Variants in PATL2 observed in about 807,000 individuals in gnomAD.
PATL2 encodes PAT1 homolog 2, also known as protein PAT1 homolog 2.
PATL2 carries 73 observed loss-of-function variants against 77.0 expected under a neutral mutation model. The ratio of observed to expected loss-of-function variants is 0.95; its 90% confidence interval spans 0.78 to 1.15. PATL2 has a LOEUF of 1.15. Ranked by LOEUF, PATL2 falls within the 50% of genes most tolerant of loss-of-function variation. PATL2 has a pLI of 0.00. For synonymous variants in PATL2, 265 were observed against 257.1 expected, an observed-to-expected ratio of 1.03 and a Z score of -0.29; for missense variants, 618 against 655.4, an observed-to-expected ratio of 0.94 and a Z score of 0.62.
At chr15:44,708,463 T>G (rs1199469211) in intron 3 of PATL2, among the ~76,000 whole-genome samples, 2 of 152,232 alleles carry the variant, frequency 1.3e-5, no homozygotes, top group Admixed American at 6.5e-5. Context: ...TTTCCTCATG[T>G]TTAGATGATC....
chr15:44,699,029 C>T (rs943747425), intron 3 of PATL2, among the ~76,000 whole-genome samples: 2 of 152,142 alleles, frequency 1.3e-5, no homozygotes, highest in Non-Finnish European at 2.9e-5. Context: ...ACCCGTTTGC[C>T]ATTTGTATGT....
intron 3 of PATL2, among the ~76,000 whole-genome samples, chr15:44,691,884 T>A (rs968616962): frequency 6.6e-6 from 1 of 151,742 alleles, no homozygotes; most frequent in Non-Finnish European, 1.5e-5. Flanking sequence ...TGTGGGGAGA[T>A]AAATATCGTC....
At chr15:44,684,225 CA>C (rs1415994730) in intron 3 of PATL2, among the ~76,000 whole-genome samples, 5 of 151,850 alleles carry the variant, frequency 3.3e-5, no homozygotes, top group Non-Finnish European at 2.9e-5. Flanking sequence ...AGCAAGGGAA[CA>C]AAAGTGGACA....
intron 3 of PATL2, among the ~76,000 whole-genome samples, chr15:44,687,072 G>T (rs2086275671): frequency 6.6e-6 from 1 of 152,148 alleles, no homozygotes. Flanking sequence ...GCATCATCCT[G>T]ATACCAAAAC....
At chr15:44,702,267 A>G (rs1383408666) in intron 3 of PATL2, among the ~76,000 whole-genome samples, 1 of 151,926 alleles carries the variant, frequency 6.6e-6, no homozygotes, top group Non-Finnish European at 1.5e-5. Flanking sequence ...TTTCCAATTT[A>G]TTGGCATGTA....
Position 44,666,489 on chromosome 15 carries a change from A to G in PATL2, c.1516T>C (p.Ser506Pro). The change falls in exon 17 of 18, where the codon TCT becomes CCT. Residue 506 changes from serine (S) to proline (P), a missense_variant. By Grantham distance (74) the Ser-to-Pro change is moderately conservative. Transcript: ENST00000682850. ...GGGAAAGCTAGGGGTTCTGCCAGAG[A>G]GGCTGTAGGCATTTGGGCTATCTCC... is the stretch of plus-strand genomic sequence containing the variant. ...AWEIAQMPTA[S>P]LAEPLAFPSN... The G allele has an allele frequency of 6.4e-7, 1 of 1,551,634 alleles. No homozygotes were observed. The highest frequency in any genetic ancestry group is 8.7e-7 in the Non-Finnish European group (1 of 1,146,964).
intron 3 of PATL2, among the ~76,000 whole-genome samples, chr15:44,680,185 C>G (rs887440089): frequency 1.3e-5 from 2 of 152,194 alleles, no homozygotes; most frequent in Non-Finnish European, 2.9e-5. Context: ...CTCTTCCTGA[C>G]ATGCTCCTCA....
chr15:44,670,395 T>C (rs1412113195), intron 9 of PATL2, among the ~76,000 whole-genome samples: 1 of 152,166 alleles, frequency 6.6e-6, no homozygotes, highest in African/African-American at 2.4e-5. Flanking sequence ...GATTTCACCA[T>C]GTTGCTCAGG....
Position 44,677,918 on chromosome 15 carries a change from C to T in PATL2, c.-75-1353G>A, listed in dbSNP as rs572660347. ...GCAGTGGCATGATCTTGGCCCACTG[C>T]AGCCTCCACCTCCCGGGTTCAAGAT... On this transcript the variant is annotated intron_variant, in intron 3 of 17. Transcript: ENST00000682850. 8.5e-5 allele frequency among the ~76,000 whole-genome samples: 13 copies of T among 152,322 alleles called. No individual in the cohort carries two copies. In the East Asian group the frequency reaches 2.5e-3, roughly 29 times the overall value.
At chr15:44,701,850 C>T (rs1052216946) in intron 3 of PATL2, among the ~76,000 whole-genome samples, 15 of 151,948 alleles carry the variant, frequency 9.9e-5, no homozygotes, top group African/African-American at 9.7e-5. Flanking sequence ...TTTTACTCAT[C>T]GCAGAAGGGT....
chr15:44,706,841 T>G (rs1305915498), intron 3 of PATL2, among the ~76,000 whole-genome samples: 5 of 152,174 alleles, frequency 3.3e-5, no homozygotes, highest in Non-Finnish European at 1.5e-5. Flanking sequence ...CTCTTTAGGG[T>G]GGCAAGTTTC....
chr15:44,672,838 C>A (rs1194910861), intron 7 of PATL2, among the ~76,000 whole-genome samples: 3 of 152,222 alleles, frequency 2.0e-5, no homozygotes, highest in Non-Finnish European at 4.4e-5. Context: ...CAGCTCACTG[C>A]AACCTCTGGC....
At chr15:44,692,259 T>C (rs1202898393) in intron 3 of PATL2, among the ~76,000 whole-genome samples, 1 of 152,186 alleles carries the variant, frequency 6.6e-6, no homozygotes, top group African/African-American at 2.4e-5. Context: ...GAATAACAGG[T>C]AATTTAAATG....
intron 3 of PATL2, among the ~76,000 whole-genome samples, chr15:44,691,688 T>A (rs534084766): frequency 3.5e-4 from 53 of 151,296 alleles, no homozygotes; most frequent in African/African-American, 1.3e-3. Context: ...AAATTAAATT[T>A]AAAAATAATA....
chr15:44,692,801 C>G (rs2086421657), intron 3 of PATL2, among the ~76,000 whole-genome samples: 1 of 152,254 alleles, frequency 6.6e-6, no homozygotes, highest in African/African-American at 2.4e-5. Context: ...GCAGGTAGAG[C>G]AGGAGTGGTC....
chr15:44,703,510 C>T (rs771006926), intron 3 of PATL2, among the ~76,000 whole-genome samples: 24 of 151,798 alleles, frequency 1.6e-4, no homozygotes, highest in African/African-American at 4.9e-4. Context: ...ATACTCTGGC[C>T]GAATTAACCT....
intron 4 of PATL2, chr15:44,676,045 G>T: frequency 3.2e-6 from 1 of 311,592 alleles, no homozygotes; most frequent in Non-Finnish European, 5.9e-6. Flanking sequence ...GCAAACAAAA[G>T]GAACCCGGCA....
chr15:44,697,230 C>T (rs900424291), intron 3 of PATL2: 9 of 151,972 alleles, frequency 5.9e-5, no homozygotes, highest in Admixed American at 4.6e-4. Flanking sequence ...TCCTCTTCCT[C>T]CTCCCTTTTC....
chr15:44,707,854 A>G (rs2086773019), intron 3 of PATL2, among the ~76,000 whole-genome samples: 1 of 152,076 alleles, frequency 6.6e-6, no homozygotes, highest in African/African-American at 2.4e-5. Flanking sequence ...TTTATGTAGA[A>G]CCTCAGAGCA....
Sources: gnomAD v4.1 joint callset for allele counts (sites outside exome capture counted in the v4.1 genomes callset) on GRCh38, gnomAD v4.1.1 for gene constraint, MANE v1.5 for transcripts, NCBI Gene and HGNC (gene_info 2026-07-23, HGNC 2026-07-21) for gene names.